The following ERICH5 variants were observed in gnomAD, a reference collection of about 807,000 sequenced individuals.
ERICH5 encodes the protein glutamate-rich protein 5.
Under a neutral mutation model 28.0 loss-of-function variants are expected in ERICH5, and 24 were observed. That is an observed-to-expected ratio of 0.86 (90% CI 0.62 to 1.21). ERICH5 has a LOEUF of 1.21. Among genes scored for constraint, ERICH5 ranks in the 50% most tolerant of loss-of-function variants. The probability of loss-of-function intolerance (pLI) is 0.00; values close to 1 mark genes in which losing one functional copy is unlikely to be tolerated. For synonymous variants in ERICH5, 163 were observed against 157.6 expected, an observed-to-expected ratio of 1.03 and a Z score of -0.25; for missense variants, 421 against 441.2, an observed-to-expected ratio of 0.95 and a Z score of 0.41.
At chr8:98,091,881 T>TTTCG in intron 2 of ERICH5, among the ~76,000 whole-genome samples, 1 of 93,890 alleles carries the variant, frequency 1.1e-5, no homozygotes, top group Non-Finnish European at 2.2e-5. Context: ...TCTTTCTTTC[T>TTTCG]TTCTTTCTTT....
chr8:98,065,217 T>TC (rs1181867604), intron 1 of ERICH5, among the ~76,000 whole-genome samples: 4 of 152,040 alleles, frequency 2.6e-5, no homozygotes, highest in South Asian at 2.1e-4. Context: ...GATCTTCCGC[T>TC]CCCCCGTCTC....
chr8:98,073,086 A>G (rs1273796506), intron 1 of ERICH5, among the ~76,000 whole-genome samples: 2 of 152,088 alleles, frequency 1.3e-5, no homozygotes, highest in Non-Finnish European at 2.9e-5. Flanking sequence ...CAACTGAAAG[A>G]CAGTATAGAG....
chr8:98,065,913 C>T (rs1187443690), intron 1 of ERICH5, among the ~76,000 whole-genome samples: 1 of 152,180 alleles, frequency 6.6e-6, no homozygotes, highest in Non-Finnish European at 1.5e-5. Flanking sequence ...AGCTCAGCCG[C>T]TGTGTCCTAG....
intron 1 of ERICH5, among the ~76,000 whole-genome samples, chr8:98,082,330 G>A (rs770008218): frequency 7.9e-5 from 12 of 152,088 alleles, no homozygotes; most frequent in Non-Finnish European, 1.3e-4. Flanking sequence ...TACTTCCAGT[G>A]TACCAGTAAA....
At chr8:98,085,322 T>G (rs1001249829) in intron 1 of ERICH5, among the ~76,000 whole-genome samples, 1 of 151,598 alleles carries the variant, frequency 6.6e-6, no homozygotes, top group Non-Finnish European at 1.5e-5. Flanking sequence ...CACCACGCCC[T>G]GCTAATTTTT....
At chr8:98,092,087 C>A (rs1168543959) in intron 2 of ERICH5, among the ~76,000 whole-genome samples, 1 of 139,740 alleles carries the variant, frequency 7.2e-6, no homozygotes, top group African/African-American at 2.6e-5. Context: ...TAATCTCCAA[C>A]TCCTGGACTG....
intron 1 of ERICH5, among the ~76,000 whole-genome samples, chr8:98,065,732 C>G (rs1286902811): frequency 2.0e-5 from 3 of 152,172 alleles, no homozygotes; most frequent in Non-Finnish European, 4.4e-5. Flanking sequence ...AAGCAAACTC[C>G]GTCAAGCTAG....
At chr8:98,077,256 G>A (rs2513831) in intron 1 of ERICH5, among the ~76,000 whole-genome samples, 51,833 of 152,086 alleles carry the variant, frequency 0.34, 9,495 homozygotes, top group East Asian at 0.61. Flanking sequence ...CTTCCCAGAG[G>A]AGCATGGTGG....
chr8:98,088,943 T>G, intron 1 of ERICH5, 133 bp from the exon 2 acceptor site: 1 of 660,248 alleles, frequency 1.5e-6, no homozygotes, highest in Non-Finnish European at 2.5e-6. Context: ...ATGGCCTTTC[T>G]GTACTCAGAT....
At chr8:98,069,487 CA>C (rs756429862) in intron 1 of ERICH5, among the ~76,000 whole-genome samples, 7 of 152,096 alleles carry the variant, frequency 4.6e-5, no homozygotes, top group Non-Finnish European at 1.0e-4. Context: ...CACCGTTCCT[CA>C]CTTTGTTTTT....
At position 98,064,664 on chromosome 8, in the gene ERICH5, C is replaced by T. The variant is rs953750000; in HGVS notation, c.-6C>T. 3.5e-5 allele frequency: 53 copies of T among 1,529,210 alleles called. No homozygotes were observed. Among genetic ancestry groups the T allele is most frequent in the Non-Finnish European group, 4.5e-5 (51 of 1,137,392 alleles). The allele number at this position is 1,529,210 out of a possible 1,614,324, so 94.7% of individuals were successfully genotyped here. The stretch of plus-strand genomic sequence containing the variant: ...AGGGCTGAGACAGGTGTCTGCGCTC[C>T]CCGCAATGGGCTGCTCCAGCAGCGC... On this transcript the variant is annotated 5_prime_UTR_variant, in exon 1 of 3. Coordinates refer to ENST00000318528, the MANE Select transcript of ERICH5 (RefSeq NM_173549.3).
intron 1 of ERICH5, among the ~76,000 whole-genome samples, chr8:98,087,353 C>T (rs1015718465): frequency 2.0e-5 from 3 of 151,610 alleles, no homozygotes; most frequent in East Asian, 1.9e-4. Flanking sequence ...AGAGGAGACC[C>T]GAGTATTACT....
At chr8:98,083,110 TC>T (rs1276951477) in intron 1 of ERICH5, among the ~76,000 whole-genome samples, 1 of 152,222 alleles carries the variant, frequency 6.6e-6, no homozygotes, top group African/African-American at 2.4e-5. Flanking sequence ...CACATTTTTT[TC>T]TGCACAATTT....
Position 98,090,042 on chromosome 8 carries a change from C to A in ERICH5, c.1012+13C>A. On this transcript the variant is annotated intron_variant, in intron 2 of 2. Transcript: ENST00000318528. ...CAACGCATTGAAGGTAAAAGTTATG[C>A]TGGCAAACCTGGATGTTTAGATGTG... is the stretch of plus-strand genomic sequence containing the variant. 6.3e-7 allele frequency: 1 copy of A among 1,579,986 alleles called. No individual in the cohort carries two copies. Among genetic ancestry groups the A allele is most frequent in the Non-Finnish European group, 8.6e-7 (1 of 1,157,732 alleles).
Position 98,089,748 on chromosome 8 carries a change from A to C in ERICH5, c.731A>C (p.Gln244Pro), listed in dbSNP as rs35368005. Reference sequence around the variant, plus strand: ...TTTGTGGAAACAGCTGAAGAGCAGCAACTTCAGGCAACATTGGGAAAAGAG... The same window carrying C: ...TTTGTGGAAACAGCTGAAGAGCAGCCACTTCAGGCAACATTGGGAAAAGAG... ...SQFVETAEEQ[Q>P]LQATLGKEEQ... is the part of the protein sequence containing the mutation. Residue 244 changes from glutamine (Q) to proline (P), a missense_variant, in exon 2 of 3, where the codon CAA (glutamine) becomes CCA (proline). Transcript: ENST00000318528. 23,613 of 1,614,192 alleles carry C rather than the reference A, an allele frequency of 0.015. 241 individuals are homozygous for C. Among genetic ancestry groups the C allele is most frequent in the Middle Eastern group, 0.017 (102 of 6,060 alleles).
chr8:98,081,944 T>A lies in ERICH5; in HGVS notation c.59-7132T>A, dbSNP rs543050473. ...ACTTCGTCTAAAAAAAAAAAAAAAA[T>A]TCCCCTATACTGTAGGTCTATAGGT... On this transcript the variant is annotated intron_variant, in intron 1 of 2. Coordinates refer to ENST00000318528, the MANE Select transcript of ERICH5 (RefSeq NM_173549.3). Among the ~76,000 whole-genome samples the A allele has an allele frequency of 4.6e-5, 7 of 151,186 alleles. No individual in the cohort carries two copies. The East Asian group carries it at 1.4e-3, about 29-fold the overall frequency.
intron 1 of ERICH5, among the ~76,000 whole-genome samples, chr8:98,082,332 A>G (rs1815197615): frequency 6.6e-6 from 1 of 152,144 alleles, no homozygotes; most frequent in East Asian, 1.9e-4. Flanking sequence ...CTTCCAGTGT[A>G]CCAGTAAAAT....
intron 1 of ERICH5, among the ~76,000 whole-genome samples, chr8:98,065,835 C>T (rs1421022137): frequency 1.3e-5 from 2 of 152,164 alleles, no homozygotes; most frequent in African/African-American, 4.8e-5. Flanking sequence ...TGTGTTATTG[C>T]AGTAACAGAA....
chr8:98,078,552 G>T (rs1325666947), intron 1 of ERICH5, among the ~76,000 whole-genome samples: 1 of 152,154 alleles, frequency 6.6e-6, no homozygotes, highest in African/African-American at 2.4e-5. Flanking sequence ...TCCGATTAGG[G>T]TAATGAACTG....
Sources: gnomAD v4.1 joint callset for allele counts (sites outside exome capture counted in the v4.1 genomes callset) on GRCh38, gnomAD v4.1.1 for gene constraint, MANE v1.5 for transcripts, NCBI Gene and HGNC (gene_info 2026-07-23, HGNC 2026-07-21) for gene names.